TGFBI: variants seen among roughly 807,000 people sequenced by gnomAD.
TGFBI encodes transforming growth factor-beta-induced protein ig-h3.
In TGFBI, 50 loss-of-function variants were observed where a neutral mutation model predicts 73.7. That is an observed-to-expected ratio of 0.68 (90% CI 0.54 to 0.86). TGFBI has a LOEUF of 0.86. Ranked by LOEUF, TGFBI falls within the 40% of genes least tolerant of loss-of-function variation. The pLI, the probability that TGFBI is intolerant of heterozygous loss-of-function variation, is 0.00. For missense variants in TGFBI, 839 were observed against 877.0 expected (o/e 0.96, Z 0.55); for synonymous variants, 362 against 360.5 (o/e 1.00, Z -0.05).
At position 136,029,023 on chromosome 5, in the gene TGFBI, C is replaced by A; in HGVS notation, c.-33C>A. The A allele has an allele frequency of 6.6e-7, 1 of 1,515,108 alleles. No homozygotes were observed. Among genetic ancestry groups the A allele is most frequent in the South Asian group, 1.2e-5 (1 of 82,046 alleles). 93.9% of individuals were successfully genotyped at this position (1,515,108 alleles called of 1,614,324 possible). ...TGGAGCCGCCCGCTTGCCCGTCGGT[C>A]GCTAGCTCGCTCGGTGCGCGTCGTC... On this transcript the variant is annotated 5_prime_UTR_variant, in exon 1 of 17. Coordinates refer to ENST00000442011, the MANE Select transcript of TGFBI (RefSeq NM_000358.3).
At chr5:136,057,188 G>A (rs1326504133) in intron 12 of TGFBI, among the ~76,000 whole-genome samples, 1 of 152,192 alleles carries the variant, frequency 6.6e-6, no homozygotes, top group Non-Finnish European at 1.5e-5. Flanking sequence ...TGATGCGAGA[G>A]CAGGAGGGAG....
At chr5:136,055,075 C>T in intron 10 of TGFBI, 1 of 587,880 alleles carries the variant, frequency 1.7e-6, no homozygotes, top group African/African-American at 1.9e-5. Context: ...ATAAACCACA[C>T]AATTATCCAA....
At chr5:136,035,041 T>A (rs1580708543) in intron 2 of TGFBI, among the ~76,000 whole-genome samples, 1 of 152,338 alleles carries the variant, frequency 6.6e-6, no homozygotes, top group East Asian at 1.9e-4. Context: ...TGACCCTGAT[T>A]ATGTTAGGCA....
At position 136,036,102 on chromosome 5, in the gene TGFBI, T is replaced by A. The variant is rs189468415; in HGVS notation, c.233+2241T>A. Among the ~76,000 whole-genome samples, 7 of 152,342 alleles carry A rather than the reference T, an allele frequency of 4.6e-5. No individual in the cohort carries two copies. In the East Asian group the frequency reaches 1.4e-3, roughly 29 times the overall value. On this transcript the variant is annotated intron_variant, in intron 2 of 16. Coordinates refer to ENST00000442011, the MANE Select transcript of TGFBI (RefSeq NM_000358.3). ...CTGTGTGTTGCCAAAATGTTCCTGA[T>A]GAGCAGGTCAACCCCTCGGGGGCAG... is the stretch of plus-strand genomic sequence containing the variant.
At chr5:136,050,459 G>A (rs1171180888) in intron 7 of TGFBI, among the ~76,000 whole-genome samples, 1 of 152,174 alleles carries the variant, frequency 6.6e-6, no homozygotes, top group Non-Finnish European at 1.5e-5. Context: ...GAGAGGGAAG[G>A]AAGGAGCTAA....
chr5:136,034,685 T>C (rs1751184969), intron 2 of TGFBI, among the ~76,000 whole-genome samples: 1 of 152,032 alleles, frequency 6.6e-6, no homozygotes, highest in African/African-American at 2.4e-5. Flanking sequence ...ACTGCCCAGC[T>C]CCCTGGTGGA....
chr5:136,049,237 G>A (rs1279958253), intron 6 of TGFBI: 1 of 573,310 alleles, frequency 1.7e-6, no homozygotes, highest in Admixed American at 3.1e-5. Flanking sequence ...CATGAAAGAT[G>A]GCCAGGCTGG....
In TGFBI at chr5:136,029,196, C is replaced by A. The variant is rs1429380701; in HGVS notation, c.134+7C>A. 3 of 1,480,468 alleles carry A rather than the reference C, an allele frequency of 2.0e-6. No individual in the cohort carries two copies. The highest frequency in any genetic ancestry group is 2.7e-6 in the Non-Finnish European group (3 of 1,120,668). The allele number at this position is 1,480,468 out of a possible 1,614,324, so 91.7% of individuals were successfully genotyped here. On this transcript the variant is annotated splice_region_variant and intron_variant, in intron 1 of 16. Coordinates refer to ENST00000442011, the MANE Select transcript of TGFBI (RefSeq NM_000358.3). ...TCCGGGGCCGCCAGCACGGGTAAGC[C>A]GAGCCGCCTGGCCAGGGGCTGCGGA...
chr5:136,041,204 G>C (rs1751332505), intron 2 of TGFBI, among the ~76,000 whole-genome samples: 1 of 152,234 alleles, frequency 6.6e-6, no homozygotes, highest in Non-Finnish European at 1.5e-5. Flanking sequence ...AGAGATGCCA[G>C]ACTGGGCAGC....
intron 10 of TGFBI, 53 bp from the exon 11 acceptor site, chr5:136,055,627 C>A (rs527263889): frequency 1.3e-5 from 20 of 1,484,352 alleles, no homozygotes; most frequent in Middle Eastern, 1.8e-4. Flanking sequence ...AATCAGGAGG[C>A]CCCTCGTGGA....
intron 8 of TGFBI, 150 bp downstream of exon 8, chr5:136,053,269 G>C (rs1580718723): frequency 8.3e-6 from 6 of 721,148 alleles, no homozygotes; most frequent in Non-Finnish European, 6.9e-6. Flanking sequence ...AAATGTGTGG[G>C]TTGTGACCAG....
chr5:136,033,980 C>T (rs546249145), intron 2 of TGFBI, 119 bp downstream of exon 2: 10 of 836,552 alleles, frequency 1.2e-5, no homozygotes, highest in African/African-American at 8.4e-5. Flanking sequence ...GATGCATGTG[C>T]GAACATGTCT....
chr5:136,036,463 G>A (rs1231205360), intron 2 of TGFBI, among the ~76,000 whole-genome samples: 1 of 152,228 alleles, frequency 6.6e-6, no homozygotes, highest in Non-Finnish European at 1.5e-5. Flanking sequence ...GGAAGGTGGA[G>A]CTGCCCTGGA....
intron 2 of TGFBI, among the ~76,000 whole-genome samples, chr5:136,039,285 C>G (rs747228054): frequency 6.6e-6 from 1 of 152,192 alleles, no homozygotes; most frequent in African/African-American, 2.4e-5. Context: ...AGGAGACAGG[C>G]TCAAAAGACT....
At chr5:136,045,889 A>G (rs1751418403) in intron 3 of TGFBI, 1 of 153,092 alleles carries the variant, frequency 6.5e-6, no homozygotes, top group Non-Finnish European at 1.5e-5. Flanking sequence ...TGCTTTAAGA[A>G]ATAACATTTT....
intron 13 of TGFBI, among the ~76,000 whole-genome samples, 174 bp downstream of exon 13, chr5:136,059,388 A>C (rs1218818602): frequency 6.6e-6 from 1 of 152,220 alleles, no homozygotes; most frequent in Non-Finnish European, 1.5e-5. Context: ...CAGGGAAATC[A>C]AGTGAGATCA....
chr5:136,031,666 A>C (rs1580706798), intron 1 of TGFBI, among the ~76,000 whole-genome samples: 2 of 152,236 alleles, frequency 1.3e-5, no homozygotes, highest in South Asian at 4.1e-4. Flanking sequence ...AGAAGTAAAA[A>C]TACAATCACA....
intron 1 of TGFBI, among the ~76,000 whole-genome samples, chr5:136,031,769 G>A (rs564904313): frequency 6.6e-6 from 1 of 152,302 alleles, no homozygotes; most frequent in South Asian, 2.1e-4. Context: ...TATTCTTGAG[G>A]CCCAGAAGCA....
intron 2 of TGFBI, among the ~76,000 whole-genome samples, chr5:136,042,533 T>G (rs1471418755): frequency 6.6e-6 from 1 of 152,144 alleles, no homozygotes. Context: ...AAGATAAAAT[T>G]GTGAGTCAAT....
Sources: allele counts gnomAD v4.1 joint callset (sites outside exome capture counted in the v4.1 genomes callset), GRCh38; gene constraint gnomAD v4.1.1; transcripts MANE v1.5; gene names NCBI Gene and HGNC (gene_info 2026-07-23, HGNC 2026-07-21).